The following PLXND1 variants were observed in gnomAD, a reference collection of about 807,000 sequenced individuals.
The protein encoded by PLXND1 is plexin D1.
Under a neutral mutation model 197.7 loss-of-function variants are expected in PLXND1, and 54 were observed. The observed-to-expected ratio is 0.27, with a 90% CI of 0.22 to 0.34. The LOEUF is 0.34. Ranked by LOEUF, PLXND1 falls within the 10% of genes least tolerant of loss-of-function variation. The pLI is 1.00. For missense variants in PLXND1, 2,127 were observed against 2,699.2 expected (o/e 0.79, Z 4.70); for synonymous variants, 1,180 against 1,161.2 (o/e 1.02, Z -0.33).
At chr3:129,564,200 G>A (rs2085104369) in intron 25 of PLXND1, among the ~76,000 whole-genome samples, 1 of 152,338 alleles carries the variant, frequency 6.6e-6, no homozygotes, top group South Asian at 2.1e-4. Flanking sequence ...CTTCCCCCAG[G>A]AGGAGCCGTG....
chr3:129,558,764 C>T lies in PLXND1; in HGVS notation c.5298-189G>A, dbSNP rs565705706. The T allele has an allele frequency of 2.4e-5, 14 of 583,218 alleles. No individual in the cohort carries two copies. The highest frequency in any genetic ancestry group is 9.3e-5 in the African/African-American group (5 of 53,524). The allele number at this position is 583,218 out of a possible 1,614,324, so 36.1% of individuals were successfully genotyped here. On this transcript the variant is annotated intron_variant, in intron 32 of 35. Coordinates refer to ENST00000324093, the MANE Select transcript of PLXND1 (RefSeq NM_015103.3). This position sits in a 1 kb window ranked among gnomAD's most constrained non-coding sequence, Gnocchi z 4.1. ...CTGGGGTGCAGTGGGGCTGAGAGCC[C>T]GGTTTCCTGCTGGAGCAAGGCAGGA...
intron 2 of PLXND1, 46 bp from the exon 3 acceptor site, chr3:129,586,765 A>G: frequency 1.3e-6 from 2 of 1,582,634 alleles, no homozygotes; most frequent in East Asian, 2.3e-5. Flanking sequence ...ATAGCAGGGG[A>G]GGCCAAACCC....
chr3:129,583,272 A>G (rs1483481579), intron 8 of PLXND1, among the ~76,000 whole-genome samples: 2 of 152,204 alleles, frequency 1.3e-5, no homozygotes, highest in Non-Finnish European at 2.9e-5. Context: ...CAAGGTGTAG[A>G]ACTATGGCCA....
At position 129,559,741 on chromosome 3, in the gene PLXND1, G is replaced by A. The variant is rs780392506; in HGVS notation, c.5176C>T (p.Leu1726=). 1 of 1,612,764 alleles carries A rather than the reference G, an allele frequency of 6.2e-7. No individual in the cohort carries two copies. The highest frequency in any genetic ancestry group is 1.1e-5 in the South Asian group (1 of 90,920). Residue 1726 remains leucine, a synonymous_variant, in exon 32 of 36, where the codon CTG becomes TTG. Coordinates refer to ENST00000324093, the MANE Select transcript of PLXND1 (RefSeq NM_015103.3). The part of the protein sequence containing the change: ...KFLDDLFKAI[L]SIREDKPPLA... ...GGGGGCTTGTCTTCACGGATACTCAGAATGGCCTTGAACAGGTCATCCAGA... is the reference window on the plus strand; with the variant it reads ...GGGGGCTTGTCTTCACGGATACTCAAAATGGCCTTGAACAGGTCATCCAGA...
chr3:129,586,413 G>T (rs1353127738), intron 3 of PLXND1, 141 bp from the exon 4 acceptor site: 3 of 1,041,650 alleles, frequency 2.9e-6, no homozygotes, highest in African/African-American at 3.2e-5. Flanking sequence ...GGGAGACAAG[G>T]CTTCCCTGCA....
intron 29 of PLXND1, chr3:129,561,013 CAG>C (rs2085050886): frequency 5.4e-6 from 3 of 559,914 alleles, no homozygotes; most frequent in Non-Finnish European, 1.0e-5. Flanking sequence ...CAGAGTGAGG[CAG>C]AGAGAGAAAG....
At chr3:129,599,435 C>A (rs1466530) in intron 1 of PLXND1, among the ~76,000 whole-genome samples, 142,755 of 152,268 alleles carry the variant, frequency 0.94, 67,161 homozygotes, top group Non-Finnish European at 0.98. Context: ...GGGTCCTGCA[C>A]TCACCTAGCG....
rs2085796320 is a variant in PLXND1, at chr3:129,606,461, T to G, written c.179A>C (p.Asn60Thr). The change falls in exon 1 of 36, where the codon AAC (asparagine) becomes ACC (threonine). Residue 60 changes from asparagine (N) to threonine (T), a missense_variant. Asn to Thr is a moderately conservative substitution (Grantham distance 65, BLOSUM62 0). Transcript: ENST00000324093. ...CGCCGCGCCGTCCAGGGCGAAGTTG[T>G]TGGTGGGCGTGGGCGAGGGGAACCG... ...QRRFPSPTPT[N>T]NFALDGAAGT... is the part of the protein sequence containing the mutation. 2.8e-6 allele frequency: 4 copies of G among 1,445,022 alleles called. No individual in the cohort carries two copies. In the East Asian group the frequency reaches 1.1e-4, roughly 40 times the overall value. 89.5% of individuals were successfully genotyped at this position (1,445,022 alleles called of 1,614,324 possible).
At chr3:129,598,531 G>A (rs1250233749) in intron 1 of PLXND1, among the ~76,000 whole-genome samples, 1 of 152,078 alleles carries the variant, frequency 6.6e-6, no homozygotes, top group Non-Finnish European at 1.5e-5. Context: ...CTACAGGCCC[G>A]GTAGCAGGAG....
intron 18 of PLXND1, 38 bp downstream of exon 18, chr3:129,571,002 C>G: frequency 6.2e-7 from 1 of 1,612,890 alleles, no homozygotes. Flanking sequence ...GAGGCTGGCT[C>G]GCTTGCCCCC....
chr3:129,590,705 A>G (rs991870205), intron 1 of PLXND1, among the ~76,000 whole-genome samples: 10 of 152,242 alleles, frequency 6.6e-5, no homozygotes, highest in Admixed American at 3.9e-4. Flanking sequence ...ACACTGTACC[A>G]GGCCAGTGCA....
In PLXND1 at chr3:129,583,570, G is replaced by A. The variant is rs375134956; in HGVS notation, c.2238C>T (p.Pro746=). Residue 746 remains proline (P), a synonymous_variant, in exon 8 of 36, where the codon CCC becomes CCT. Transcript: ENST00000324093. The part of the protein sequence containing the change: ...NQSRCEASPN[P]TSPQDCPRTL... ...GGGGCCCCCTAGCCTGGCTTACCGT[G>A]GGGTTTGGTGAGGCCTCGCACCGAG... 7.5e-6 allele frequency: 12 copies of A among 1,609,898 alleles called. No homozygotes were observed. The highest frequency in any genetic ancestry group is 1.0e-5 in the Non-Finnish European group (12 of 1,176,992).
At chr3:129,593,345 T>C (rs1418018385) in intron 1 of PLXND1, among the ~76,000 whole-genome samples, 2 of 152,240 alleles carry the variant, frequency 1.3e-5, no homozygotes, top group East Asian at 1.9e-4. Flanking sequence ...CCCGGGGCTC[T>C]TGTACCATTG....
At position 129,555,287 on chromosome 3, in the gene PLXND1, C is replaced by T. The variant is rs1030102642; in HGVS notation, c.*1025G>A. ...GCTGCCCCCCTCCAGCCCCCATGGG[C>T]TCTGAGCCAGTCCCAACACTGGCTG... On this transcript the variant is annotated 3_prime_UTR_variant, in exon 36 of 36. Coordinates refer to ENST00000324093, the MANE Select transcript of PLXND1 (RefSeq NM_015103.3). 1.9e-6 allele frequency: 1 copy of T among 524,488 alleles called. No homozygotes were observed. Among genetic ancestry groups the T allele is most frequent in the South Asian group, 2.7e-5 (1 of 36,634 alleles). 32.5% of individuals were successfully genotyped at this position (524,488 alleles called of 1,614,324 possible).
In PLXND1 at chr3:129,606,234, G is replaced by A. The variant is rs2085792016; in HGVS notation, c.406C>T (p.Leu136=). Reference sequence around the variant, plus strand: ...TAGATGGACCCGCACACGACTACCAGGCCCTGGCCGGGGTCCAGCTGCAGG... The same window carrying A: ...TAGATGGACCCGCACACGACTACCAAGCCCTGGCCGGGGTCCAGCTGCAGG... ...KILQLDPGQG[L]VVVCGSIYQG... is the part of the protein sequence containing the mutation. The change falls in exon 1 of 36, where the codon CTG becomes TTG. Residue 136 remains leucine, a synonymous_variant. Transcript: ENST00000324093. 1.3e-6 allele frequency: 2 copies of A among 1,575,528 alleles called. No homozygotes were observed. Among genetic ancestry groups the A allele is most frequent in the Non-Finnish European group, 1.7e-6 (2 of 1,165,844 alleles).
At chr3:129,562,033 CTG>C (rs1427239250) in intron 27 of PLXND1, 130 bp from the exon 28 acceptor site, 1 of 664,450 alleles carries the variant, frequency 1.5e-6, no homozygotes, top group African/African-American at 1.8e-5. Flanking sequence ...ATACCTCTCT[CTG>C]AGCCTCCATT....
chr3:129,560,075 G>A (rs2085034847), intron 31 of PLXND1, among the ~76,000 whole-genome samples: 1 of 152,198 alleles, frequency 6.6e-6, no homozygotes, highest in Non-Finnish European at 1.5e-5. Context: ...ATCCCTCTGG[G>A]CCTCTGCTGT....
chr3:129,605,730 C>A lies in PLXND1; in HGVS notation c.910G>T (p.Glu304Ter). 3 of 1,544,082 alleles carry A rather than the reference C, an allele frequency of 1.9e-6. No individual in the cohort carries two copies. Among genetic ancestry groups the A allele is most frequent in the Non-Finnish European group, 2.6e-6 (3 of 1,145,900 alleles). Reference protein sequence around the residue: ...QSYAYLALNSEARAGDKESQA... With the variant: ...QSYAYLALNS ...CTCTCCTTGTCGCCCGCGCGCGCCT[C>A]GCTGTTGAGCGCCAGGTACGCGTAG... Residue 304 changes from glutamate (E) to a stop codon, truncating the protein, a stop_gained, in exon 1 of 36, where the codon GAG becomes TAG. Coordinates refer to ENST00000324093, the MANE Select transcript of PLXND1 (RefSeq NM_015103.3). LOFTEE classifies it high-confidence loss of function.
In PLXND1 at chr3:129,605,345, C is replaced by A. The variant is rs780631605; in HGVS notation, c.1295G>T (p.Arg432Leu). The A allele has an allele frequency of 2.1e-6, 3 of 1,441,024 alleles. No homozygotes were observed. Among genetic ancestry groups the A allele is most frequent in the Non-Finnish European group, 2.7e-6 (3 of 1,102,190 alleles). The allele number at this position is 1,441,024 out of a possible 1,614,324, so 89.3% of individuals were successfully genotyped here. The part of the protein sequence containing the change: ...VVQGTGPACE[R>L]KLNIQLQPEQ... The stretch of plus-strand genomic sequence containing the variant: ...CGGGTGTACCTGGATGTTGAGCTTG[C>A]GCTCACAGGCCGGTCCCGTGCCCTG... Residue 432 changes from arginine to leucine, a missense_variant, in exon 1 of 36, where the codon CGC becomes CTC. Transcript: ENST00000324093.
Sources: gnomAD v4.1 joint callset for allele counts (sites outside exome capture counted in the v4.1 genomes callset) on GRCh38, gnomAD v4.1.1 for gene constraint, Gnocchi (gnomAD v3.1) non-coding constraint, MANE v1.5 for transcripts, NCBI Gene and HGNC (gene_info 2026-07-23, HGNC 2026-07-21) for gene names.